DOP1A: variants seen among roughly 807,000 people sequenced by gnomAD.
The protein encoded by DOP1A is protein DOP1A.
DOP1A carries 90 observed loss-of-function variants against 267.6 expected under a neutral mutation model. The observed-to-expected ratio is 0.34, with a 90% confidence interval of 0.28 to 0.40. The LOEUF is 0.40. DOP1A is among the 10% of genes least tolerant of loss of function. DOP1A has a pLI of 1.00. For synonymous variants in DOP1A, 932 were observed against 999.1 expected, an observed-to-expected ratio of 0.93 and a Z score of 1.27; for missense variants, 2,437 against 2,900.4, an observed-to-expected ratio of 0.84 and a Z score of 3.67.
intron 35 of DOP1A, among the ~76,000 whole-genome samples, 156 bp downstream of exon 35, chr6:83,157,474 G>A (rs45480197): frequency 0.023 from 3,545 of 152,232 alleles, 66 homozygotes; most frequent in Non-Finnish European, 0.035. Flanking sequence ...AGTAAAACAA[G>A]TCAGATTCCA....
chr6:83,117,401 T>G (rs998312692), intron 7 of DOP1A, among the ~76,000 whole-genome samples: 1 of 152,030 alleles, frequency 6.6e-6, no homozygotes. Context: ...CCGCCTGCCT[T>G]GGCCTCCCAA....
intron 1 of DOP1A, chr6:83,072,825 C>T: frequency 6.2e-6 from 1 of 160,034 alleles, no homozygotes. Flanking sequence ...TTTTATATAC[C>T]CCAAATGCCA....
intron 35 of DOP1A, among the ~76,000 whole-genome samples, chr6:83,158,208 A>T (rs758441850): frequency 1.3e-5 from 2 of 152,186 alleles, no homozygotes; most frequent in East Asian, 1.9e-4. Flanking sequence ...TCAGCATGTT[A>T]GCCAGGATGG....
chr6:83,147,640 T>C (rs1236468075), intron 26 of DOP1A, among the ~76,000 whole-genome samples: 1 of 152,242 alleles, frequency 6.6e-6, no homozygotes, highest in Admixed American at 6.5e-5. Context: ...TGCGTTTAAC[T>C]GACCTGTGAA....
intron 1 of DOP1A, among the ~76,000 whole-genome samples, chr6:83,090,806 T>C (rs1770212609): frequency 6.6e-6 from 1 of 152,170 alleles, no homozygotes; most frequent in African/African-American, 2.4e-5. Context: ...AATTTGTATG[T>C]ATATATTGGA....
At chr6:83,125,856 G>A (rs1777072510) in intron 15 of DOP1A, 123 bp downstream of exon 15, 2 of 861,222 alleles carry the variant, frequency 2.3e-6, no homozygotes, top group Middle Eastern at 5.5e-4. Flanking sequence ...AGATCCAAAT[G>A]CAGTGTTAGT....
chr6:83,129,698 G>T (rs1777730149), intron 16 of DOP1A, among the ~76,000 whole-genome samples, 190 bp downstream of exon 16: 1 of 152,086 alleles, frequency 6.6e-6, no homozygotes. Flanking sequence ...TTGTGATTTT[G>T]ATGTCTTTCA....
At position 83,140,386 on chromosome 6, in the gene DOP1A, A is replaced by C; in HGVS notation, c.5398A>C (p.Asn1800His). 1 of 1,608,326 alleles carries C rather than the reference A, an allele frequency of 6.2e-7. No individual in the cohort carries two copies. The highest frequency in any genetic ancestry group is 2.2e-5 in the East Asian group (1 of 44,844). Residue 1800 changes from asparagine to histidine, a missense_variant, in exon 23 of 39, where the codon AAT becomes CAT. This residue lies in a region of DOP1A where 307 missense variants were observed against 308.6 expected (regional missense o/e 0.99). Transcript: ENST00000349129. ...CGCATCCGCATCTCTTACCACTATT[A>C]ATCTTGGAGCTACAAAGGTTAGACA... ...IAASASLTTINLGATKNLRQQ... is the reference protein window; with the variant it reads ...IAASASLTTIHLGATKNLRQQ...
chr6:83,125,290 T>C, intron 14 of DOP1A, 95 bp downstream of exon 14: 4 of 1,271,430 alleles, frequency 3.1e-6, no homozygotes, highest in East Asian at 2.5e-5. Flanking sequence ...GGGGTTATTT[T>C]ATAATATATG....
At chr6:83,123,253 T>TA (rs1394364220) in intron 12 of DOP1A, among the ~76,000 whole-genome samples, 5 of 326 alleles carry the variant, frequency 0.015, no homozygotes, top group African/African-American at 0.069. Flanking sequence ...AGTAATCCAG[T>TA]TTTTTTGTTG....
intron 1 of DOP1A, among the ~76,000 whole-genome samples, chr6:83,088,666 C>T (rs148509474): frequency 0.018 from 2,778 of 152,116 alleles, 51 homozygotes; most frequent in Admixed American, 0.061. Context: ...GTGATCTGCC[C>T]GCCTCAACCT....
chr6:83,070,097 A>G (rs1192439960), intron 1 of DOP1A, among the ~76,000 whole-genome samples: 3 of 152,198 alleles, frequency 2.0e-5, no homozygotes, highest in Non-Finnish European at 4.4e-5. Flanking sequence ...CAGTGTGGAT[A>G]TTCTGTTCAT....
chr6:83,151,277 A>G (rs922904439), intron 27 of DOP1A, among the ~76,000 whole-genome samples: 31 of 152,194 alleles, frequency 2.0e-4, no homozygotes, highest in African/African-American at 7.0e-4. Flanking sequence ...GCCTTAGCCT[A>G]CCAAGTAGCT....
At chr6:83,156,875 G>T (rs1782920239) in intron 34 of DOP1A, among the ~76,000 whole-genome samples, 1 of 151,550 alleles carries the variant, frequency 6.6e-6, no homozygotes, top group Admixed American at 6.5e-5. Flanking sequence ...CTCAAAGTAT[G>T]GTCCATGGAC....
intron 1 of DOP1A, among the ~76,000 whole-genome samples, chr6:83,092,948 A>AATATTTCC (rs1311551369): frequency 6.6e-6 from 1 of 152,178 alleles, no homozygotes; most frequent in Non-Finnish European, 1.5e-5. Context: ...TTTTTCATGT[A>AATATTTCC]ATATTTCCAG....
rs761162317 is a variant in DOP1A at position 83,110,158 on chromosome 6, T to C, written c.525T>C (p.Ala175=). 6.2e-7 allele frequency: 1 copy of C among 1,610,578 alleles called. No homozygotes were observed. The highest frequency in any genetic ancestry group is 1.1e-5 in the South Asian group (1 of 90,106). ...TNMLLEKVAA[A]VDQSAFYSAL... ...TGTTGTTGGAAAAGGTTGCTGCTGCTGTGGACCAGTCAGCATTCTACAGTG... is the reference window on the plus strand; with the variant it reads ...TGTTGTTGGAAAAGGTTGCTGCTGCCGTGGACCAGTCAGCATTCTACAGTG... The change falls in exon 6 of 39, where the codon GCT becomes GCC. Residue 175 remains alanine, a synonymous_variant. Transcript: ENST00000349129.
downstream of DOP1A, chr6:83,169,351 T>C: frequency 6.2e-7 from 1 of 1,612,370 alleles, no homozygotes; most frequent in South Asian, 1.1e-5. Flanking sequence ...AGAGATTAGA[T>C]GAGAAAGACA....
At chr6:83,080,045 T>C (rs1308430063) in intron 1 of DOP1A, among the ~76,000 whole-genome samples, 1 of 152,168 alleles carries the variant, frequency 6.6e-6, no homozygotes, top group East Asian at 1.9e-4. Context: ...AAACAGAATG[T>C]GGTCAATCTA....
Position 83,137,168 on chromosome 6 carries a change from A to G in DOP1A, c.3131-5A>G, listed in dbSNP as rs1243189797. On this transcript the variant is annotated splice_polypyrimidine_tract_variant and splice_region_variant and intron_variant, in intron 20 of 38. Coordinates refer to ENST00000349129, the MANE Select transcript of DOP1A (RefSeq NM_015018.4). ...TCTTCTTTTACTGTTTTTCTCATAT[A>G]TCAGTGAGCCAAGTACAACTCATCA... is the stretch of plus-strand genomic sequence containing the variant. 3 of 1,524,532 alleles carry G rather than the reference A, an allele frequency of 2.0e-6. No individual in the cohort carries two copies. Among genetic ancestry groups the G allele is most frequent in the East Asian group, 2.3e-5 (1 of 44,008 alleles). The allele number at this position is 1,524,532 out of a possible 1,614,324, so 94.4% of individuals were successfully genotyped here.
Sources: gnomAD v4.1 joint callset for allele counts (sites outside exome capture counted in the v4.1 genomes callset) on GRCh38, gnomAD v4.1.1 for gene constraint, gnomAD v4.1.1 regional missense constraint, MANE v1.5 for transcripts, NCBI Gene and HGNC (gene_info 2026-07-23, HGNC 2026-07-21) for gene names.